The following GAS7 variants were observed in gnomAD, a reference collection of about 807,000 sequenced individuals.
The protein encoded by GAS7 is growth arrest specific 7, also known as growth arrest-specific protein 7.
In GAS7, 28 loss-of-function variants were observed where a neutral mutation model predicts 71.1. That is an observed-to-expected ratio of 0.39 (90% confidence interval 0.29 to 0.54). The LOEUF is 0.54. GAS7 is among the 20% of genes least tolerant of loss of function. The probability of loss-of-function intolerance (pLI) is 0.62; values close to 1 mark genes in which losing one functional copy is unlikely to be tolerated. For synonymous variants in GAS7, 258 were observed against 245.8 expected (o/e 1.05, Z -0.46); for missense variants, 436 against 627.8 (o/e 0.69, Z 3.27).
chr17:10,191,978 AGAG>A (rs1355214813), intron 1 of GAS7, among the ~76,000 whole-genome samples: 1 of 152,176 alleles, frequency 6.6e-6, no homozygotes, highest in East Asian at 1.9e-4. Flanking sequence ...AAGCTCAAGA[AGAG>A]TAGTAGACGG....
intron 9 of GAS7, among the ~76,000 whole-genome samples, chr17:9,927,150 C>G (rs2152075138): frequency 6.6e-6 from 1 of 150,376 alleles, no homozygotes; most frequent in East Asian, 1.9e-4. Flanking sequence ...ATGGCTAAAT[C>G]AAGTTAATAA....
At chr17:10,008,081 T>C (rs76835946) in intron 2 of GAS7, among the ~76,000 whole-genome samples, 10,062 of 152,300 alleles carry the variant, frequency 0.066, 373 homozygotes, top group East Asian at 0.1. Context: ...TTTTTATGGC[T>C]GAATAATATA....
chr17:10,082,792 G>A (rs1210455451), intron 1 of GAS7, among the ~76,000 whole-genome samples: 4 of 152,144 alleles, frequency 2.6e-5, no homozygotes, highest in East Asian at 3.9e-4. Context: ...TTCAACTAAT[G>A]GAATTCTCAT....
intron 2 of GAS7, among the ~76,000 whole-genome samples, chr17:9,983,178 T>C (rs1012210095): frequency 2.6e-5 from 4 of 152,228 alleles, no homozygotes; most frequent in African/African-American, 4.8e-5. Flanking sequence ...TTTTTATGTA[T>C]AAATTTTTGT....
At chr17:10,032,218 C>T (rs1341477474) in intron 1 of GAS7, among the ~76,000 whole-genome samples, 1 of 152,112 alleles carries the variant, frequency 6.6e-6, no homozygotes, top group Non-Finnish European at 1.5e-5. Flanking sequence ...AAGGTAGACT[C>T]CTCCCAATAG....
At chr17:10,133,122 A>ATATATATATATATT (rs1392845338) in intron 1 of GAS7, among the ~76,000 whole-genome samples, 46 of 118,916 alleles carry the variant, frequency 3.9e-4, no homozygotes, top group African/African-American at 1.3e-3. Flanking sequence ...ATATTTTTAT[A>ATATATATATATATT]TTTTTTTTTT....
At chr17:10,050,742 G>A (rs769668515) in intron 1 of GAS7, among the ~76,000 whole-genome samples, 1 of 152,112 alleles carries the variant, frequency 6.6e-6, no homozygotes, top group South Asian at 2.1e-4. Flanking sequence ...ATACACGAGG[G>A]GTGAAGTCAT....
At chr17:10,197,949 C>T (rs1361588160) in intron 1 of GAS7, among the ~76,000 whole-genome samples, 1 of 152,220 alleles carries the variant, frequency 6.6e-6, no homozygotes, top group African/African-American at 2.4e-5. Context: ...CTCGCTTCCT[C>T]AGAGCAGCCA....
intron 1 of GAS7, among the ~76,000 whole-genome samples, chr17:10,147,708 C>T (rs1212578290): frequency 3.9e-5 from 6 of 152,198 alleles, no homozygotes; most frequent in African/African-American, 9.6e-5. Flanking sequence ...GGGTACAACA[C>T]GGCATTTCTC....
At chr17:9,928,324 G>A (rs376675842) in intron 9 of GAS7, among the ~76,000 whole-genome samples, 32 of 148,418 alleles carry the variant, frequency 2.2e-4, no homozygotes, top group Middle Eastern at 3.5e-3. Flanking sequence ...GGGTTTCACC[G>A]TGTTAGTCAG....
chr17:9,980,687 G>A (rs187160868), intron 3 of GAS7, among the ~76,000 whole-genome samples: 3 of 152,296 alleles, frequency 2.0e-5, no homozygotes, highest in East Asian at 1.9e-4. Context: ...GCGGACTGAG[G>A]ATATCACAAA....
chr17:9,999,514 C>T (rs9897704), intron 2 of GAS7, among the ~76,000 whole-genome samples: 21,202 of 147,788 alleles, frequency 0.14, 2,033 homozygotes, highest in African/African-American at 0.29. Flanking sequence ...TAAGACTTTG[C>T]CTCAAAAAAA....
At chr17:10,022,998 A>T (rs2072329948) in intron 1 of GAS7, among the ~76,000 whole-genome samples, 1 of 152,188 alleles carries the variant, frequency 6.6e-6, no homozygotes, top group South Asian at 2.1e-4. Flanking sequence ...CCCAGGAAAG[A>T]GCAATAATGA....
chr17:10,005,144 C>CAT lies in GAS7; in HGVS notation c.304+14632_304+14633insAT, dbSNP rs1567879805. On this transcript the variant is annotated intron_variant, in intron 2 of 13. Coordinates refer to ENST00000432992, the MANE Select transcript of GAS7 (RefSeq NM_201433.2). Reference sequence around the variant, plus strand: ...ACGCATACCAGCATGTGTGCGCGCACGCATGCATGCATGTGTGTGCGCACG... The same window carrying CAT: ...ACGCATACCAGCATGTGTGCGCGCACATGCATGCATGCATGTGTGTGCGCACG... Among the ~76,000 whole-genome samples the CAT allele has an allele frequency of 6.6e-3, 251 of 38,246 alleles. 1 individual carries two copies. The highest frequency in any genetic ancestry group is 0.02 in the African/African-American group (238 of 12,160). The allele number at this position is 38,246 out of a possible 152,430, so 25.1% of individuals were successfully genotyped here.
At chr17:10,064,727 A>G (rs900833236) in intron 1 of GAS7, among the ~76,000 whole-genome samples, 1 of 149,120 alleles carries the variant, frequency 6.7e-6, no homozygotes, top group African/African-American at 2.5e-5. Context: ...GGAATCAGAG[A>G]TAGAGAAACA....
intron 1 of GAS7, among the ~76,000 whole-genome samples, chr17:10,085,458 C>T (rs1366979295): frequency 2.0e-5 from 3 of 151,972 alleles, no homozygotes; most frequent in Non-Finnish European, 4.4e-5. Context: ...CCGAGGCGGG[C>T]GGATCACGAG....
chr17:10,038,736 G>A (rs1329988056), intron 1 of GAS7, among the ~76,000 whole-genome samples: 3 of 132,796 alleles, frequency 2.3e-5, no homozygotes, highest in Non-Finnish European at 4.6e-5. Flanking sequence ...GTCTTGCTCT[G>A]TCACCCAAGC....
chr17:10,111,661 A>G (rs1227088011), intron 1 of GAS7, among the ~76,000 whole-genome samples: 1 of 152,144 alleles, frequency 6.6e-6, no homozygotes, highest in Admixed American at 6.5e-5. Flanking sequence ...TCCAGCCTGG[A>G]GACAGGGCAA....
chr17:9,915,784 C>A lies in GAS7; in HGVS notation c.*1444G>T. ...AGATGGATTTCCAGGGCATGGGCTC[C>A]CGACTAGAATCTGCCCCTCGCTCAT... On this transcript the variant is annotated 3_prime_UTR_variant, in exon 14 of 14. Transcript: ENST00000432992. 4.4e-6 allele frequency: 1 copy of A among 229,748 alleles called. No homozygotes were observed. The highest frequency in any genetic ancestry group is 6.1e-5 in the East Asian group (1 of 16,360). The allele number at this position is 229,748 out of a possible 1,614,324, so 14.2% of individuals were successfully genotyped here.
Sources: allele counts gnomAD v4.1 joint callset (sites outside exome capture counted in the v4.1 genomes callset), GRCh38; gene constraint gnomAD v4.1.1; transcripts MANE v1.5; gene names NCBI Gene and HGNC (gene_info 2026-07-23, HGNC 2026-07-21).